Variants in HAVCR1 observed in about 807,000 individuals in gnomAD.
HAVCR1 encodes T cell immunoglobin domain and mucin domain protein 1.
HAVCR1 carries 34 observed loss-of-function variants against 32.0 expected under a neutral mutation model. The observed-to-expected ratio is 1.06, with a 90% CI of 0.81 to 1.42. The LOEUF (loss-of-function observed/expected upper bound fraction) is 1.42. HAVCR1 is among the 40% of genes most tolerant of loss of function. HAVCR1 has a pLI of 0.00. For synonymous variants in HAVCR1, 178 were observed against 170.3 expected, an observed-to-expected ratio of 1.05 and a Z score of -0.35; for missense variants, 420 against 442.3, an observed-to-expected ratio of 0.95 and a Z score of 0.45.
At chr5:157,056,385 CT>C (rs5741954) in intron 2 of HAVCR1, among the ~76,000 whole-genome samples, 47,670 of 140,940 alleles carry the variant, frequency 0.34, 7,820 homozygotes, top group East Asian at 0.62. Context: ...AGAATTTCTT[CT>C]TTTTTTTTTT....
At position 157,052,231 on chromosome 5, in the gene HAVCR1, G is replaced by C; in HGVS notation, c.673+130C>G. On this transcript the variant is annotated intron_variant, in intron 4 of 8. Coordinates refer to ENST00000523175, the MANE Select transcript of HAVCR1 (RefSeq NM_001173393.3). ...GGAGTTGGGGAGGATCACAAACCCT[G>C]AGGAGACCCTGATTGAAACCCAGGT... 7.8e-6 allele frequency: 6 copies of C among 770,484 alleles called. No individual in the cohort carries two copies. The South Asian group carries it at 1.0e-4, about 13-fold the overall frequency. The allele number at this position is 770,484 out of a possible 1,614,324, so 47.7% of individuals were successfully genotyped here.
chr5:157,052,662 C>A lies in HAVCR1; in HGVS notation c.380-8G>T. 1 of 1,610,960 alleles carries A rather than the reference C, an allele frequency of 6.2e-7. No individual in the cohort carries two copies. Among genetic ancestry groups the A allele is most frequent in the South Asian group, 1.1e-5 (1 of 90,890 alleles). On this transcript the variant is annotated splice_polypyrimidine_tract_variant and splice_region_variant and intron_variant, in intron 3 of 8. Transcript: ENST00000523175. ...GAGTAGTCGTGACCTTGGCTGGAGT[C>A]AGAAATCAACATGAGAGTGAGCATA...
At chr5:157,037,909 G>C (rs1754634539) in intron 6 of HAVCR1, among the ~76,000 whole-genome samples, 1 of 152,184 alleles carries the variant, frequency 6.6e-6, no homozygotes, top group South Asian at 2.1e-4. Context: ...AGCTACTTGG[G>C]AGGCGGAGGC....
intron 6 of HAVCR1, among the ~76,000 whole-genome samples, chr5:157,040,379 G>A (rs988226223): frequency 1.8e-4 from 27 of 151,974 alleles, no homozygotes; most frequent in African/African-American, 6.3e-4. Flanking sequence ...CTAGCCACAC[G>A]TCAACACATT....
At chr5:157,065,074 T>C in the HAVCR1 span, among the ~76,000 whole-genome samples, 2 of 152,186 alleles carry the variant, frequency 1.3e-5, no homozygotes, top group Non-Finnish European at 2.9e-5. Context: ...ACGCCTGTAA[T>C]CCCAGCACTT....
At chr5:157,048,203 G>C in intron 5 of HAVCR1, among the ~76,000 whole-genome samples, 1 of 152,168 alleles carries the variant, frequency 6.6e-6, no homozygotes, top group East Asian at 1.9e-4. Flanking sequence ...TCTGGGACTT[G>C]TCAGAAGCAT....
intron 5 of HAVCR1, among the ~76,000 whole-genome samples, chr5:157,043,802 T>C (rs918687510): frequency 1.3e-5 from 2 of 152,198 alleles, no homozygotes; most frequent in African/African-American, 2.4e-5. Context: ...CCCATTTTTA[T>C]GGATAAAGAA....
At chr5:157,060,193 T>C (rs1756447844), upstream of HAVCR1, among the ~76,000 whole-genome samples, 1 of 151,976 alleles carries the variant, frequency 6.6e-6, no homozygotes, top group South Asian at 2.1e-4. Flanking sequence ...CCCCCACTTA[T>C]AACCCTCTCA....
rs145756941 is a variant in HAVCR1, at chr5:157,046,702, C to G, written c.781+2336G>C. On this transcript the variant is annotated intron_variant, in intron 5 of 8. Coordinates refer to ENST00000523175, the MANE Select transcript of HAVCR1 (RefSeq NM_001173393.3). ...CTGATTACTCAATCTAGTGAGGGTC[C>G]TCTTTCCTATAGATGGTGTCTTCTA... is the stretch of plus-strand genomic sequence containing the variant. Among the ~76,000 whole-genome samples the G allele has an allele frequency of 7.5e-3, 1,142 of 152,280 alleles. 10 individuals carry two copies. Among genetic ancestry groups the G allele is most frequent in the Non-Finnish European group, 9.9e-3 (675 of 68,010 alleles).
At chr5:157,047,004 TATAG>T (rs1755439529) in intron 5 of HAVCR1, among the ~76,000 whole-genome samples, 1 of 152,154 alleles carries the variant, frequency 6.6e-6, no homozygotes, top group Non-Finnish European at 1.5e-5. Flanking sequence ...TACATACATA[TATAG>T]ATAGATAGAG....
intron 3 of HAVCR1, 21 bp from the exon 4 acceptor site, chr5:157,052,675 G>A: frequency 6.2e-7 from 1 of 1,604,696 alleles, no homozygotes; most frequent in African/African-American, 1.3e-5. Context: ...AAATCAACAT[G>A]AGAGTGAGCA....
chr5:157,044,625 G>GAAAGAAAGAA (rs1554090538), intron 5 of HAVCR1, among the ~76,000 whole-genome samples: 9 of 51,928 alleles, frequency 1.7e-4, no homozygotes, highest in Admixed American at 2.6e-4. Context: ...GAGAAAGAAA[G>GAAAGAAAGAA]AAAGAAAGAA....
chr5:157,057,990 C>G (rs773143694), intron 1 of HAVCR1, 35 bp from the exon 2 acceptor site: 1 of 1,423,798 alleles, frequency 7.0e-7, no homozygotes, highest in Non-Finnish European at 9.9e-7. Context: ...TGGTTGGTAC[C>G]CTCCACCAGA....
At chr5:157,059,935 T>A (rs558526698), upstream of HAVCR1, among the ~76,000 whole-genome samples, 22 of 152,048 alleles carry the variant, frequency 1.4e-4, no homozygotes, top group African/African-American at 5.3e-4. Context: ...GCTATGATTG[T>A]GCCACTGCAC....
intron 2 of HAVCR1, among the ~76,000 whole-genome samples, chr5:157,057,160 C>CA (rs1392163714): frequency 2.6e-4 from 39 of 151,576 alleles, no homozygotes; most frequent in Admixed American, 1.8e-3. Flanking sequence ...ACTAAAAATA[C>CA]AAAAAAATTA....
At chr5:157,037,740 AT>A (rs1460214850) in intron 6 of HAVCR1, among the ~76,000 whole-genome samples, 2 of 152,144 alleles carry the variant, frequency 1.3e-5, no homozygotes, top group African/African-American at 4.8e-5. Context: ...AAAAGAAAAA[AT>A]GTCAGGCATG....
At chr5:157,041,004 A>G (rs1488433907) in intron 6 of HAVCR1, among the ~76,000 whole-genome samples, 4 of 152,228 alleles carry the variant, frequency 2.6e-5, no homozygotes, top group Admixed American at 2.6e-4. Context: ...TTACTTGCAC[A>G]TACTAAAAGG....
chr5:157,057,402 A>G (rs866971294), intron 2 of HAVCR1, among the ~76,000 whole-genome samples: 3 of 66,394 alleles, frequency 4.5e-5, no homozygotes, highest in African/African-American at 1.5e-4. Context: ...AAAGAAAGAA[A>G]GAAAGAAAGA....
intron 3 of HAVCR1, among the ~76,000 whole-genome samples, chr5:157,054,837 T>C (rs922853516): frequency 6.6e-6 from 1 of 152,192 alleles, no homozygotes; most frequent in African/African-American, 2.4e-5. Context: ...TTATAAGTAA[T>C]CTAGAGATGA....
Sources: gnomAD v4.1 joint callset for allele counts (sites outside exome capture counted in the v4.1 genomes callset) on GRCh38, gnomAD v4.1.1 for gene constraint, MANE v1.5 for transcripts, NCBI Gene and HGNC (gene_info 2026-07-23, HGNC 2026-07-21) for gene names.